Variants in CACNA2D1 observed in about 807,000 individuals in gnomAD.
The protein encoded by CACNA2D1 is voltage-dependent calcium channel subunit alpha-2/delta-1.
In CACNA2D1, 53 loss-of-function variants were observed where a neutral mutation model predicts 171.5. The ratio of observed to expected loss-of-function variants is 0.31; its 90% CI spans 0.25 to 0.39. The LOEUF (loss-of-function observed/expected upper bound fraction) is 0.39. Among genes scored for constraint, CACNA2D1 ranks in the 10% least tolerant of loss-of-function variants. CACNA2D1 has a pLI of 1.00. For missense variants in CACNA2D1, 903 were observed against 1,299.8 expected, an observed-to-expected ratio of 0.69 and a Z score of 4.69; for synonymous variants, 442 against 443.1, an observed-to-expected ratio of 1.00 and a Z score of 0.03.
At chr7:82,343,308 G>A (rs1307919842) in intron 2 of CACNA2D1, 1 of 152,158 alleles carries the variant, frequency 6.6e-6, no homozygotes, top group East Asian at 1.9e-4. Context: ...AGCACACACT[G>A]CTACTCGCCC....
intron 3 of CACNA2D1, among the ~76,000 whole-genome samples, chr7:82,273,886 T>C (rs1358789266): frequency 1.3e-5 from 2 of 152,174 alleles, no homozygotes; most frequent in Non-Finnish European, 2.9e-5. Flanking sequence ...GAATTAAGAA[T>C]ATGCTTCATT....
At chr7:82,382,543 A>G (rs865946833) in intron 1 of CACNA2D1, among the ~76,000 whole-genome samples, 11 of 152,156 alleles carry the variant, frequency 7.2e-5, no homozygotes, top group Non-Finnish European at 1.5e-4. Flanking sequence ...ATTCACAGAG[A>G]CTATTCAGAG....
chr7:82,037,948 C>T, intron 11 of CACNA2D1, 129 bp downstream of exon 11: 1 of 867,894 alleles, frequency 1.2e-6, no homozygotes, highest in Non-Finnish European at 1.9e-6. Context: ...TCTGCCTGCA[C>T]ACATCTGTGT....
intron 6 of CACNA2D1, among the ~76,000 whole-genome samples, chr7:82,100,141 A>AT (rs1812502464): frequency 6.6e-6 from 1 of 152,126 alleles, no homozygotes; most frequent in Non-Finnish European, 1.5e-5. Flanking sequence ...ACCTTATATA[A>AT]TTTTTTGTGT....
chr7:81,998,927 T>C (rs1237373587), intron 18 of CACNA2D1, among the ~76,000 whole-genome samples: 1 of 152,168 alleles, frequency 6.6e-6, no homozygotes, highest in Non-Finnish European at 1.5e-5. Flanking sequence ...TACAACATTA[T>C]TCAGAATTGC....
At chr7:82,241,947 G>C (rs1428322028) in intron 3 of CACNA2D1, among the ~76,000 whole-genome samples, 1 of 152,048 alleles carries the variant, frequency 6.6e-6, no homozygotes, top group South Asian at 2.1e-4. Flanking sequence ...TATAAGAGCC[G>C]ACTGATGATG....
At chr7:82,041,806 T>C (rs1735419590) in intron 10 of CACNA2D1, among the ~76,000 whole-genome samples, 1 of 152,144 alleles carries the variant, frequency 6.6e-6, no homozygotes, top group Admixed American at 6.5e-5. Context: ...AAAAATACAG[T>C]TTGCCAATAC....
intron 1 of CACNA2D1, among the ~76,000 whole-genome samples, chr7:82,400,423 T>C (rs1453535953): frequency 6.6e-6 from 1 of 152,144 alleles, no homozygotes; most frequent in African/African-American, 2.4e-5. Flanking sequence ...TTCACATCCC[T>C]TGTAAGTTGG....
intron 21 of CACNA2D1, among the ~76,000 whole-genome samples, chr7:81,987,515 A>C (rs1037553089): frequency 6.6e-6 from 1 of 152,192 alleles, no homozygotes; most frequent in Non-Finnish European, 1.5e-5. Context: ...GCATCCTATT[A>C]AAATAATTTA....
At chr7:82,165,605 A>G (rs1222786637) in intron 4 of CACNA2D1, among the ~76,000 whole-genome samples, 1 of 152,070 alleles carries the variant, frequency 6.6e-6, no homozygotes, top group African/African-American at 2.4e-5. Context: ...ATGCATGAAC[A>G]ACAACAGTAA....
At chr7:82,130,546 T>C (rs192316011) in intron 5 of CACNA2D1, among the ~76,000 whole-genome samples, 1 of 152,158 alleles carries the variant, frequency 6.6e-6, no homozygotes, top group Non-Finnish European at 1.5e-5. Context: ...GACCAATGTC[T>C]AAACTTAGAT....
At chr7:82,157,600 C>T (rs756335894) in intron 4 of CACNA2D1, among the ~76,000 whole-genome samples, 4 of 151,930 alleles carry the variant, frequency 2.6e-5, no homozygotes, top group South Asian at 2.1e-4. Flanking sequence ...ACAGAAACAC[C>T]AATACTCTTT....
At chr7:82,160,184 C>T (rs1299526465) in intron 4 of CACNA2D1, among the ~76,000 whole-genome samples, 2 of 151,634 alleles carry the variant, frequency 1.3e-5, no homozygotes, top group Non-Finnish European at 2.9e-5. Flanking sequence ...AAGCAATGTC[C>T]CAAAATTTTG....
At chr7:82,098,888 CAAT>C (rs1044585243) in intron 6 of CACNA2D1, among the ~76,000 whole-genome samples, 3 of 152,098 alleles carry the variant, frequency 2.0e-5, no homozygotes, top group Non-Finnish European at 4.4e-5. Context: ...TAATCCTCAA[CAAT>C]AAAACTATAA....
chr7:82,393,083 A>AAGGCAGGC (rs1204828684), intron 1 of CACNA2D1, among the ~76,000 whole-genome samples: 283 of 82,388 alleles, frequency 3.4e-3, no homozygotes, highest in Non-Finnish European at 5.2e-3. Context: ...GGAAGGAAGG[A>AAGGCAGGC]AGGCAGGCAG....
chr7:81,972,443 G>A (rs10486940), intron 25 of CACNA2D1, among the ~76,000 whole-genome samples: 14,018 of 151,638 alleles, frequency 0.092, 681 homozygotes, highest in Middle Eastern at 0.2. Context: ...ATTCAGTGCC[G>A]CATATCGAGG....
chr7:82,149,082 T>C (rs1421842575), intron 4 of CACNA2D1, among the ~76,000 whole-genome samples: 2 of 152,184 alleles, frequency 1.3e-5, no homozygotes, highest in Non-Finnish European at 2.9e-5. Context: ...ATTCCCTGCC[T>C]CAGTCTGTGT....
At chr7:82,083,693 A>T (rs1308045764) in intron 7 of CACNA2D1, among the ~76,000 whole-genome samples, 2 of 152,110 alleles carry the variant, frequency 1.3e-5, no homozygotes, top group African/African-American at 4.8e-5. Context: ...GCGGAAAAAA[A>T]TTATTACTGA....
At chr7:82,114,573 T>C (rs1254841326) in intron 6 of CACNA2D1, among the ~76,000 whole-genome samples, 1 of 151,754 alleles carries the variant, frequency 6.6e-6, no homozygotes, top group Non-Finnish European at 1.5e-5. Flanking sequence ...TGAAACCCTG[T>C]CTCTACTAAA....
Sources: allele counts gnomAD v4.1 joint callset (sites outside exome capture counted in the v4.1 genomes callset), GRCh38; gene constraint gnomAD v4.1.1; transcripts MANE v1.5; gene names NCBI Gene and HGNC (gene_info 2026-07-23, HGNC 2026-07-21).